Variants in UNC79 observed in about 807,000 individuals in gnomAD.
UNC79 encodes unc-79 subunit of NALCN channel complex, also known as protein unc-79 homolog.
UNC79 carries 37 observed loss-of-function variants against 283.1 expected under a neutral mutation model. The ratio of observed to expected loss-of-function variants is 0.13; its 90% confidence interval spans 0.10 to 0.17. The LOEUF (loss-of-function observed/expected upper bound fraction) is 0.17, where lower values mean the gene tolerates loss of function less well. Ranked by LOEUF, UNC79 falls within the 10% of genes least tolerant of loss-of-function variation. UNC79 has a pLI of 1.00. For missense variants in UNC79, 2,272 were observed against 3,211.1 expected, an observed-to-expected ratio of 0.71 and a Z score of 7.07; for synonymous variants, 1,107 against 1,200.2, an observed-to-expected ratio of 0.92 and a Z score of 1.61.
intron 26 of UNC79, among the ~76,000 whole-genome samples, chr14:93,606,960 G>GT (rs2065930610): frequency 6.6e-6 from 1 of 152,176 alleles, no homozygotes; most frequent in Admixed American, 6.5e-5. Flanking sequence ...GAACAAGCTT[G>GT]TTGGTGACTG....
In UNC79 at chr14:93,440,400, T is replaced by G. The variant is rs895238811; in HGVS notation, c.22+9349T>G. On this transcript the variant is annotated intron_variant, in intron 1 of 48. Transcript: ENST00000555664. ...TTTTCAAGAAACCAGTTATTTTTAT[T>G]TATTTATTACTTCTAGTTTTTGGCA... 1.8e-4 allele frequency among the ~76,000 whole-genome samples: 28 copies of G among 152,234 alleles called. 2 individuals carry two copies. Among genetic ancestry groups the G allele is most frequent in the Non-Finnish European group, 7.4e-5 (5 of 68,008 alleles).
chr14:93,536,782 CTT>C (rs35677025), intron 11 of UNC79, among the ~76,000 whole-genome samples: 475 of 82,400 alleles, frequency 5.8e-3, no homozygotes, highest in African/African-American at 0.016. Flanking sequence ...CCACCCCCGG[CTT>C]TTTTTTTTTT....
In UNC79 at chr14:93,586,406, A is replaced by G. The variant is rs568480354; in HGVS notation, c.2804-190A>G. Among the ~76,000 whole-genome samples the G allele has an allele frequency of 5.3e-4, 80 of 152,372 alleles. No individual in the cohort carries two copies. The South Asian group carries it at 0.016, about 31-fold the overall frequency. ...AATGGAAACTGAGAATCCTCAATTC[A>G]GAAGATTTCCTGCACTTGTATCATA... On this transcript the variant is annotated intron_variant, in intron 20 of 48. Transcript: ENST00000555664.
chr14:93,336,529 G>C (rs896075865), intron 1 of UNC79, among the ~76,000 whole-genome samples: 1 of 152,094 alleles, frequency 6.6e-6, no homozygotes, highest in African/African-American at 2.4e-5. Flanking sequence ...TTTTAGTAGA[G>C]ACAGGGTTTC....
intron 7 of UNC79, among the ~76,000 whole-genome samples, chr14:93,517,465 T>G: frequency 1.9e-5 from 2 of 107,768 alleles, no homozygotes; most frequent in African/African-American, 3.2e-5. Context: ...CTGTAGGTTT[T>G]TCATAGATTT....
At chr14:93,378,566 A>G (rs984505388) in intron 1 of UNC79, among the ~76,000 whole-genome samples, 1 of 152,184 alleles carries the variant, frequency 6.6e-6, no homozygotes, top group African/African-American at 2.4e-5. Context: ...CACTAAATTC[A>G]TTTATGTTTC....
At chr14:93,656,420 C>T (rs1369358109) in intron 38 of UNC79, among the ~76,000 whole-genome samples, 1 of 151,646 alleles carries the variant, frequency 6.6e-6, no homozygotes, top group Admixed American at 6.6e-5. Context: ...GTCTGGGGAG[C>T]ATGGCGAGAC....
chr14:93,517,175 C>T, intron 7 of UNC79, among the ~76,000 whole-genome samples: 1 of 150,674 alleles, frequency 6.6e-6, no homozygotes, highest in Non-Finnish European at 1.5e-5. Flanking sequence ...TTCCTTCCTT[C>T]CTTCCTCCCC....
chr14:93,490,746 C>T (rs1217640971), intron 5 of UNC79, among the ~76,000 whole-genome samples: 1 of 152,154 alleles, frequency 6.6e-6, no homozygotes, highest in Admixed American at 6.6e-5. Flanking sequence ...CTACTGCTTT[C>T]CTCTTCTCTT....
rs985278339 is a variant in UNC79, at chr14:93,353,166, C to T, written c.-351+19643C>T. Among the ~76,000 whole-genome samples the T allele has an allele frequency of 7.2e-5, 11 of 152,214 alleles. No individual in the cohort carries two copies. The East Asian group carries it at 1.4e-3, about 19-fold the overall frequency. On this transcript the variant is annotated intron_variant, in intron 1 of 49. Coordinates refer to the UNC79 transcript ENST00000256339. The stretch of plus-strand genomic sequence containing the variant: ...CCCTGCTATTTTTCCTTTTACTTAT[C>T]GAACCTTATCTTTTTGTAGTATGTG...
chr14:93,702,299 C>A (rs2075591136), intron 47 of UNC79, among the ~76,000 whole-genome samples: 1 of 152,134 alleles, frequency 6.6e-6, no homozygotes, highest in African/African-American at 2.4e-5. Context: ...GAGAGGGTGG[C>A]ATCTTCTGAT....
intron 41 of UNC79, 93 bp from the exon 45 acceptor site, chr14:93,682,524 A>T: frequency 9.2e-7 from 1 of 1,085,086 alleles, no homozygotes. Flanking sequence ...GAAAATAAAC[A>T]CTAATTAATT....
At chr14:93,572,158 G>A (rs1004914473) in intron 15 of UNC79, 74 bp downstream of exon 15, 15 of 1,477,524 alleles carry the variant, frequency 1.0e-5, no homozygotes, top group Admixed American at 9.9e-5. Flanking sequence ...ACTGTATGCC[G>A]GTCACCCTAC....
intron 1 of UNC79, among the ~76,000 whole-genome samples, chr14:93,369,920 G>A (rs2054408166): frequency 6.6e-6 from 1 of 152,214 alleles, no homozygotes; most frequent in African/African-American, 2.4e-5. Flanking sequence ...CCATGTGGGA[G>A]AAGGGAAATA....
At chr14:93,435,649 A>T (rs866759135) in intron 1 of UNC79, among the ~76,000 whole-genome samples, 48 of 152,316 alleles carry the variant, frequency 3.2e-4, no homozygotes, top group Middle Eastern at 3.4e-3. Flanking sequence ...TTTTTAGATC[A>T]GTCATTTTGG....
chr14:93,561,892 G>A (rs138867668), intron 14 of UNC79, among the ~76,000 whole-genome samples: 13 of 152,320 alleles, frequency 8.5e-5, no homozygotes, highest in Admixed American at 3.9e-4. Context: ...AGTGTGACTA[G>A]ACAGAAGACA....
intron 11 of UNC79, 37 bp downstream of exon 11, chr14:93,532,615 T>A: frequency 6.2e-7 from 1 of 1,607,148 alleles, no homozygotes; most frequent in Non-Finnish European, 8.5e-7. Context: ...GGGCATGATT[T>A]ATTGTGTTTG....
At chr14:93,356,459 A>G (rs2054088551) in intron 1 of UNC79, among the ~76,000 whole-genome samples, 1 of 152,108 alleles carries the variant, frequency 6.6e-6, no homozygotes, top group Non-Finnish European at 1.5e-5. Context: ...CTGTTTCCTC[A>G]CCCACGAGAG....
intron 1 of UNC79, among the ~76,000 whole-genome samples, chr14:93,403,391 C>T (rs1008636153): frequency 1.3e-5 from 2 of 152,026 alleles, no homozygotes; most frequent in African/African-American, 2.4e-5. Flanking sequence ...GGGAAAATTG[C>T]GAGGGAAGTA....
Sources: gnomAD v4.1 joint callset for allele counts (sites outside exome capture counted in the v4.1 genomes callset) on GRCh38, gnomAD v4.1.1 for gene constraint, MANE v1.5 for transcripts, NCBI Gene and HGNC (gene_info 2026-07-23, HGNC 2026-07-21) for gene names.